Variants in PON3 observed in about 807,000 individuals in gnomAD.
PON3 encodes the protein paraoxonase 3.
A neutral mutation model predicts 36.3 loss-of-function variants in PON3; 37 were observed. The observed-to-expected ratio is 1.02, with a 90% CI of 0.78 to 1.34. The LOEUF (loss-of-function observed/expected upper bound fraction) is 1.34, where lower values mean the gene tolerates loss of function less well. Ranked by LOEUF, PON3 falls within the 40% of genes most tolerant of loss-of-function variation. The pLI, the probability that PON3 is intolerant of heterozygous loss-of-function variation, is 0.00. For missense variants in PON3, 415 were observed against 426.5 expected (o/e 0.97, Z 0.24); for synonymous variants, 155 against 154.8 (o/e 1.00, Z -0.01).
intron 8 of PON3, among the ~76,000 whole-genome samples, chr7:95,362,129 G>A (rs1039331276): frequency 1.3e-5 from 2 of 152,074 alleles, no homozygotes; most frequent in Non-Finnish European, 2.9e-5. Flanking sequence ...ATGAATAATC[G>A]AGCTTATGTT....
chr7:95,389,236 C>CCAG (rs1314346125), intron 3 of PON3, among the ~76,000 whole-genome samples: 1 of 152,128 alleles, frequency 6.6e-6, no homozygotes, highest in Non-Finnish European at 1.5e-5. Flanking sequence ...AGCAGTGACA[C>CCAG]CAGCAGCAGT....
At position 95,362,796 on chromosome 7, in the gene PON3, C is replaced by A; in HGVS notation, c.741G>T (p.Met247Ile). The A allele has an allele frequency of 6.2e-7, 1 of 1,612,010 alleles. No individual in the cohort carries two copies. Among genetic ancestry groups the A allele is most frequent in the Non-Finnish European group, 8.5e-7 (1 of 1,178,310 alleles). Residue 247 changes from methionine to isoleucine, a missense_variant, in exon 7 of 9, where the codon ATG becomes ATT. Physicochemically the swap from Met to Ile is conservative, Grantham distance 10 (BLOSUM62 1). Coordinates refer to ENST00000265627, the MANE Select transcript of PON3 (RefSeq NM_000940.3). ...ADVAAKNIHI[M>I]EKHDNWDLTQ... ...TTAAATCCCAGTTATCATGTTTTTCCATTATGTGAATGTTCTTAGCTGCTA... is the reference window on the plus strand; with the variant it reads ...TTAAATCCCAGTTATCATGTTTTTCAATTATGTGAATGTTCTTAGCTGCTA...
chr7:95,390,095 T>C lies in PON3; in HGVS notation c.201+59A>G, dbSNP rs1809285947. On this transcript the variant is annotated intron_variant, in intron 3 of 8. Coordinates refer to ENST00000265627, the MANE Select transcript of PON3 (RefSeq NM_000940.3). ...ATCTGGCAGCTCCAGAGGACAACAT[T>C]AATGCACTGTCTATACAGCTATTGA... 7.4e-6 allele frequency: 11 copies of C among 1,487,864 alleles called. No homozygotes were observed. The South Asian group carries it at 1.1e-4, about 15-fold the overall frequency. The allele number at this position is 1,487,864 out of a possible 1,614,324, so 92.2% of individuals were successfully genotyped here. A position where few individuals can be genotyped will look rare whatever the true frequency, so the allele number is the denominator to read the frequency against.
At chr7:95,371,689 C>A (rs1255635106) in intron 4 of PON3, among the ~76,000 whole-genome samples, 1 of 152,098 alleles carries the variant, frequency 6.6e-6, no homozygotes, top group Non-Finnish European at 1.5e-5. Context: ...TGTCTGAATA[C>A]AAGTCTCTCA....
chr7:95,387,074 A>G (rs908301366), intron 3 of PON3, among the ~76,000 whole-genome samples: 18 of 152,202 alleles, frequency 1.2e-4, no homozygotes, highest in Non-Finnish European at 2.9e-5. Flanking sequence ...GAAAACCTGC[A>G]CAAGACAAGG....
At chr7:95,375,649 TA>T (rs1204318119) in intron 3 of PON3, among the ~76,000 whole-genome samples, 2 of 152,082 alleles carry the variant, frequency 1.3e-5, no homozygotes, top group Non-Finnish European at 2.9e-5. Flanking sequence ...GTTACAGAAA[TA>T]AAATAATCTG....
intron 6 of PON3, chr7:95,363,355 T>TA (rs1808619315): frequency 5.5e-6 from 1 of 183,130 alleles, no homozygotes; most frequent in East Asian, 1.4e-4. Context: ...AAACACTTTT[T>TA]AAAAGTGTTT....
At chr7:95,371,300 G>C (rs1157308317) in intron 4 of PON3, among the ~76,000 whole-genome samples, 1 of 145,844 alleles carries the variant, frequency 6.9e-6, no homozygotes, top group Admixed American at 6.7e-5. Context: ...CAATTCTCTT[G>C]AGCATACACC....
chr7:95,384,330 C>T (rs1278165593), intron 3 of PON3, among the ~76,000 whole-genome samples: 1 of 152,114 alleles, frequency 6.6e-6, no homozygotes, highest in Non-Finnish European at 1.5e-5. Flanking sequence ...AAAGCAATGG[C>T]AACAAAAGCC....
intron 2 of PON3, among the ~76,000 whole-genome samples, chr7:95,394,220 G>C (rs1441098019): frequency 6.6e-6 from 1 of 152,040 alleles, no homozygotes; most frequent in Non-Finnish European, 1.5e-5. Flanking sequence ...TTGAGGGGAG[G>C]GGCTGAGTCA....
intron 4 of PON3, among the ~76,000 whole-genome samples, chr7:95,367,872 T>C (rs1808733006): frequency 6.6e-6 from 1 of 152,218 alleles, no homozygotes; most frequent in Admixed American, 6.5e-5. Flanking sequence ...AAAACTTTGC[T>C]GAGATGTTGT....
intron 3 of PON3, among the ~76,000 whole-genome samples, chr7:95,373,214 T>G (rs1253460466): frequency 2.0e-5 from 3 of 152,076 alleles, no homozygotes; most frequent in Non-Finnish European, 4.4e-5. Context: ...CTATTGCAAT[T>G]CTCTCTTTCC....
intron 3 of PON3, among the ~76,000 whole-genome samples, chr7:95,376,318 A>C (rs1418040343): frequency 2.0e-5 from 3 of 152,206 alleles, no homozygotes; most frequent in East Asian, 3.9e-4. Context: ...AGGGAAGAAA[A>C]TATCCTGTTT....
At chr7:95,372,485 T>C in intron 3 of PON3, 147 bp from the exon 4 acceptor site, 1 of 860,666 alleles carries the variant, frequency 1.2e-6, no homozygotes, top group Non-Finnish European at 1.8e-6. Context: ...GTCAGCTGTT[T>C]CCATGATCTG....
intron 3 of PON3, among the ~76,000 whole-genome samples, chr7:95,376,586 T>C (rs979283547): frequency 6.6e-6 from 1 of 151,706 alleles, no homozygotes; most frequent in Non-Finnish European, 1.5e-5. Flanking sequence ...TTATTTGTGA[T>C]GAAAATATAT....
chr7:95,374,250 A>C (rs892756553), intron 3 of PON3, among the ~76,000 whole-genome samples: 6 of 152,210 alleles, frequency 3.9e-5, no homozygotes, highest in African/African-American at 1.4e-4. Flanking sequence ...ATGTCATTTA[A>C]CATGAATTTC....
chr7:95,369,009 C>T (rs183171355), intron 4 of PON3, among the ~76,000 whole-genome samples: 3 of 152,244 alleles, frequency 2.0e-5, no homozygotes, highest in Admixed American at 1.3e-4. Context: ...GTCCTAATCT[C>T]ATTTTAGTAA....
chr7:95,364,168 T>C, intron 5 of PON3, 105 bp from the exon 6 acceptor site: 1 of 907,398 alleles, frequency 1.1e-6, no homozygotes, highest in Non-Finnish European at 1.8e-6. Flanking sequence ...TTCATCAATT[T>C]GAAAAAGGAT....
intron 4 of PON3, among the ~76,000 whole-genome samples, chr7:95,371,827 T>A (rs1808813743): frequency 6.6e-6 from 1 of 152,136 alleles, no homozygotes; most frequent in African/African-American, 2.4e-5. Flanking sequence ...CCCCTTATGT[T>A]ATGTTTTTTA....
Sources: allele counts gnomAD v4.1 joint callset (sites outside exome capture counted in the v4.1 genomes callset), GRCh38; gene constraint gnomAD v4.1.1; transcripts MANE v1.5; gene names NCBI Gene and HGNC (gene_info 2026-07-23, HGNC 2026-07-21).